The following INHBC variants were observed in gnomAD, a reference collection of about 807,000 sequenced individuals.
The protein encoded by INHBC is inhibin subunit beta C, also known as inhibin beta C chain.
INHBC carries 10 observed loss-of-function variants against 12.4 expected under a neutral mutation model. That is an observed-to-expected ratio of 0.81 (90% CI 0.50 to 1.37). The LOEUF is 1.37. Among genes scored for constraint, INHBC ranks in the 40% most tolerant of loss-of-function variants. The pLI, the probability that INHBC is intolerant of heterozygous loss-of-function variation, is 0.00. For synonymous variants in INHBC, 147 were observed against 171.6 expected (o/e 0.86, Z 1.12); for missense variants, 382 against 439.4 (o/e 0.87, Z 1.17).
At position 57,449,656 on chromosome 12, in the gene INHBC, C is replaced by G; in HGVS notation, c.693C>G (p.His231Gln). Residue 231 changes from histidine (H) to glutamine (Q), a missense_variant, in exon 2 of 2, where the codon CAC becomes CAG. Transcript: ENST00000309668. ...VAARVRVGGK[H>Q]QIHRRGIDCQ... ...CCCGGGTGAGAGTTGGGGGCAAACA[C>G]CAGATTCACCGACGAGGCATCGACT... 6.2e-7 allele frequency: 1 copy of G among 1,614,228 alleles called. No homozygotes were observed. The highest frequency in any genetic ancestry group is 8.5e-7 in the Non-Finnish European group (1 of 1,180,038).
chr12:57,435,824 A>T (rs1172688529), intron 1 of INHBC, among the ~76,000 whole-genome samples: 1 of 151,542 alleles, frequency 6.6e-6, no homozygotes, highest in African/African-American at 2.4e-5. Context: ...GTTCGAGACC[A>T]GCCTGAGCAA....
rs1458813522 is a variant in INHBC, at chr12:57,435,051, G to A, written c.165G>A (p.Leu55=). The part of the protein sequence containing the change: ...DLAKRSILDK[L]HLTQRPTLNR... ...CCAAGAGAAGCATCTTGGACAAGCT[G>A]CACCTCACCCAGCGCCCAACACTGA... The change falls in exon 1 of 2, where the codon CTG becomes CTA. Residue 55 remains leucine, a synonymous_variant. Transcript: ENST00000309668. The A allele has an allele frequency of 6.2e-7, 1 of 1,614,018 alleles. No homozygotes were observed. The highest frequency in any genetic ancestry group is 1.3e-5 in the African/African-American group (1 of 74,944).
At chr12:57,442,940 G>A (rs572230335) in intron 1 of INHBC, among the ~76,000 whole-genome samples, 12 of 149,456 alleles carry the variant, frequency 8.0e-5, no homozygotes, top group Non-Finnish European at 1.8e-4. Flanking sequence ...GCAGTGAGCC[G>A]AGATTGCGCC....
In INHBC at chr12:57,445,985, A is replaced by C. The variant is rs527598317; in HGVS notation, c.314-3292A>C. On this transcript the variant is annotated intron_variant, in intron 1 of 1. Transcript: ENST00000309668. The stretch of plus-strand genomic sequence containing the variant: ...AGTCTCGCTGTGTTGCCCAGGGTGG[A>C]GTGCAGTGGCGCGATGTCAGCTCAC... Among the ~76,000 whole-genome samples the C allele has an allele frequency of 1.1e-4, 17 of 151,692 alleles. No individual in the cohort carries two copies. In the South Asian group the frequency reaches 3.5e-3, roughly 32 times the overall value.
At chr12:57,437,044 G>A (rs1252363045) in intron 1 of INHBC, among the ~76,000 whole-genome samples, 2 of 152,048 alleles carry the variant, frequency 1.3e-5, no homozygotes, top group East Asian at 1.9e-4. Flanking sequence ...CAATCCACTC[G>A]CCTCGGCCTT....
intron 1 of INHBC, among the ~76,000 whole-genome samples, chr12:57,444,077 G>A (rs1350290574): frequency 5.9e-5 from 9 of 152,310 alleles, no homozygotes; most frequent in African/African-American, 2.2e-4. Context: ...GATTACAGGT[G>A]TGAGCCACCA....
chr12:57,445,576 G>C (rs772845087), intron 1 of INHBC, among the ~76,000 whole-genome samples: 1 of 152,058 alleles, frequency 6.6e-6, no homozygotes, highest in Non-Finnish European at 1.5e-5. Context: ...GGACTGGGGG[G>C]ATACATTTAG....
chr12:57,436,104 C>G (rs896232974), intron 1 of INHBC, among the ~76,000 whole-genome samples: 14 of 151,868 alleles, frequency 9.2e-5, no homozygotes, highest in African/African-American at 2.9e-4. Flanking sequence ...CTCAGCCTCC[C>G]AAAGTGCTGG....
Position 57,435,062 on chromosome 12 carries a change from AGC to A in INHBC, c.179_180del (p.Arg60ProfsTer37). The A allele has an allele frequency of 4.3e-6, 7 of 1,614,164 alleles. No homozygotes were observed. The highest frequency in any genetic ancestry group is 5.9e-6 in the Non-Finnish European group (7 of 1,180,032). The stretch of plus-strand genomic sequence containing the variant: ...ATCTTGGACAAGCTGCACCTCACCC[AGC>A]GCCCAACACTGAACCGCCCTGTGTC... On this transcript the variant is annotated frameshift_variant, in exon 1 of 2. Transcript: ENST00000309668. LOFTEE classifies it high-confidence loss of function.
chr12:57,451,888 T>C lies in INHBC; in HGVS notation c.*1866T>C, dbSNP rs748565471. ...ACAGCTTAGTCTCCAGGGCTAGGACTGGGGTAAAGCAAAGTGAGTCATTCA... is the reference window on the plus strand; with the variant it reads ...ACAGCTTAGTCTCCAGGGCTAGGACCGGGGTAAAGCAAAGTGAGTCATTCA... On this transcript the variant is annotated 3_prime_UTR_variant, in exon 2 of 2. Coordinates refer to ENST00000309668, the MANE Select transcript of INHBC (RefSeq NM_005538.4). The C allele has an allele frequency of 4.4e-5, 20 of 454,898 alleles. No homozygotes were observed. The highest frequency in any genetic ancestry group is 3.0e-4 in the South Asian group (19 of 64,358). 28.2% of individuals were successfully genotyped at this position (454,898 alleles called of 1,614,324 possible).
intron 1 of INHBC, among the ~76,000 whole-genome samples, chr12:57,436,875 G>A (rs1294812487): frequency 6.6e-6 from 1 of 151,718 alleles, no homozygotes; most frequent in Non-Finnish European, 1.5e-5. Flanking sequence ...CACCGTGTTA[G>A]CCAGGATGAT....
intron 1 of INHBC, among the ~76,000 whole-genome samples, chr12:57,440,175 C>G (rs929245680): frequency 6.6e-6 from 1 of 152,034 alleles, no homozygotes; most frequent in Non-Finnish European, 1.5e-5. Context: ...CATTATTTTT[C>G]TTTTCTTTCC....
chr12:57,441,466 A>C (rs575095541), intron 1 of INHBC, among the ~76,000 whole-genome samples: 17 of 150,148 alleles, frequency 1.1e-4, no homozygotes, highest in Non-Finnish European at 1.9e-4. Flanking sequence ...CAGAGGTTGC[A>C]GTGAGCCAAG....
chr12:57,449,558 C>T lies in INHBC; in HGVS notation c.595C>T (p.Leu199=), dbSNP rs746927379. 1.4e-5 allele frequency: 22 copies of T among 1,614,116 alleles called. No individual in the cohort carries two copies. The highest frequency in any genetic ancestry group is 2.2e-5 in the South Asian group (2 of 91,088). The stretch of plus-strand genomic sequence containing the variant: ...CAGCCAGGGGCACCTGACCCTGGAG[C>T]TGGTACTTGAAGGCCAGGTAGCCCA... ...ACSQGHLTLE[L]VLEGQVAQSS... is the part of the protein sequence containing the mutation. The change falls in exon 2 of 2, where the codon CTG becomes TTG. Residue 199 remains leucine (L), a synonymous_variant. Coordinates refer to ENST00000309668, the MANE Select transcript of INHBC (RefSeq NM_005538.4).
Position 57,449,523 on chromosome 12 carries a change from AAGC to A in INHBC, c.561_563del (p.Gln187_Ala188delinsHis), listed in dbSNP as rs745921518. On this transcript the variant is annotated inframe_deletion, in exon 2 of 2. Transcript: ENST00000309668. Reference sequence around the variant, plus strand: ...CAACTCCCCCTAGGGCCTGAAGCTCAAGCTGCCTGCAGCCAGGGGCACCTGACC... The same window carrying A: ...CAACTCCCCCTAGGGCCTGAAGCTCATGCCTGCAGCCAGGGGCACCTGACC... 5.1e-5 allele frequency: 83 copies of A among 1,614,062 alleles called. No individual in the cohort carries two copies. The highest frequency in any genetic ancestry group is 6.8e-5 in the Non-Finnish European group (80 of 1,180,028).
At chr12:57,436,616 G>T (rs1203523117) in intron 1 of INHBC, among the ~76,000 whole-genome samples, 1 of 151,478 alleles carries the variant, frequency 6.6e-6, no homozygotes, top group African/African-American at 2.4e-5. Flanking sequence ...AAGTAGCTGG[G>T]ACTACAGGTA....
chr12:57,435,019 G>C lies in INHBC; in HGVS notation c.133G>C (p.Asp45His). The C allele has an allele frequency of 6.2e-7, 1 of 1,614,190 alleles. No individual in the cohort carries two copies. Among genetic ancestry groups the C allele is most frequent in the Non-Finnish European group, 8.5e-7 (1 of 1,180,050 alleles). ...ELESQRELLL[D>H]LAKRSILDKL... is the part of the protein sequence containing the mutation. Reference sequence around the variant, plus strand: ...GGAGAGCCAGCGGGAGCTGCTTCTTGATCTGGCCAAGAGAAGCATCTTGGA... The same window carrying C: ...GGAGAGCCAGCGGGAGCTGCTTCTTCATCTGGCCAAGAGAAGCATCTTGGA... The change falls in exon 1 of 2, where the codon GAT becomes CAT. Residue 45 changes from aspartate (D) to histidine (H), a missense_variant. Physicochemically the swap from Asp to His is moderately conservative, Grantham distance 81. Coordinates refer to ENST00000309668, the MANE Select transcript of INHBC (RefSeq NM_005538.4).
At chr12:57,435,487 C>T (rs1870314347) in intron 1 of INHBC, among the ~76,000 whole-genome samples, 1 of 152,200 alleles carries the variant, frequency 6.6e-6, no homozygotes, top group African/African-American at 2.4e-5. Context: ...CCCCACAAAC[C>T]CACAGGCTGT....
At chr12:57,435,860 T>C (rs1482230110) in intron 1 of INHBC, among the ~76,000 whole-genome samples, 4 of 151,916 alleles carry the variant, frequency 2.6e-5, no homozygotes, top group African/African-American at 7.3e-5. Flanking sequence ...TTTTTTTTTT[T>C]TCCTGAGACG....
Sources: gnomAD v4.1 joint callset for allele counts (sites outside exome capture counted in the v4.1 genomes callset) on GRCh38, gnomAD v4.1.1 for gene constraint, MANE v1.5 for transcripts, NCBI Gene and HGNC (gene_info 2026-07-23, HGNC 2026-07-21) for gene names.